KHDRBS2: variants seen among roughly 807,000 people sequenced by gnomAD.
KHDRBS2 encodes KH domain-containing, RNA-binding, signal transduction-associated protein 2.
KHDRBS2 carries 26 observed loss-of-function variants against 44.3 expected under a neutral mutation model. The observed-to-expected ratio is 0.59, with a 90% CI of 0.43 to 0.81. The LOEUF (loss-of-function observed/expected upper bound fraction) is 0.81, where lower values mean the gene tolerates loss of function less well. Ranked by LOEUF, KHDRBS2 falls within the 40% of genes least tolerant of loss-of-function variation. The pLI is 0.00. For synonymous variants in KHDRBS2, 194 were observed against 151.1 expected (o/e 1.28, Z -2.08); for missense variants, 476 against 433.1 (o/e 1.10, Z -0.88).
chr6:62,020,333 T>C (rs1215600522), intron 3 of KHDRBS2, among the ~76,000 whole-genome samples: 2 of 152,046 alleles, frequency 1.3e-5, no homozygotes, highest in Non-Finnish European at 2.9e-5. Context: ...TCCATCCTTA[T>C]TAATTTATTG....
At chr6:62,165,280 GGC>G (rs1818441356) in intron 2 of KHDRBS2, among the ~76,000 whole-genome samples, 1 of 143,130 alleles carries the variant, frequency 7.0e-6, no homozygotes, top group Non-Finnish European at 1.5e-5. Flanking sequence ...TTTATTCATT[GGC>G]GCTTAATTTT....
chr6:62,050,702 A>C (rs1167096961), intron 2 of KHDRBS2, among the ~76,000 whole-genome samples: 1 of 152,026 alleles, frequency 6.6e-6, no homozygotes, highest in East Asian at 1.9e-4. Flanking sequence ...TGGCAGTTTA[A>C]AATGATACAG....
At chr6:61,583,702 T>C in the KHDRBS2 span, among the ~76,000 whole-genome samples, 3 of 151,580 alleles carry the variant, frequency 2.0e-5, no homozygotes, top group Non-Finnish European at 4.4e-5. Context: ...AGTTCCTTTG[T>C]TTTTTTAAAA....
chr6:62,201,787 A>G (rs566125496), intron 1 of KHDRBS2, among the ~76,000 whole-genome samples: 1 of 152,186 alleles, frequency 6.6e-6, no homozygotes, highest in South Asian at 2.1e-4. Context: ...GATAATATTC[A>G]TTTTTATTTA....
intron 2 of KHDRBS2, among the ~76,000 whole-genome samples, chr6:62,120,356 G>A (rs141449754): frequency 4.6e-5 from 7 of 152,260 alleles, no homozygotes; most frequent in African/African-American, 1.2e-4. Flanking sequence ...CCAATACTTC[G>A]TGAAATAGAT....
At chr6:61,903,041 G>A (rs1399852964) in intron 4 of KHDRBS2, among the ~76,000 whole-genome samples, 6 of 152,126 alleles carry the variant, frequency 3.9e-5, no homozygotes, top group African/African-American at 1.4e-4. Context: ...TGACAAAAGA[G>A]ACATAGAGTA....
Position 61,680,895 on chromosome 6 carries a change from T to C in KHDRBS2, c.*68A>G. 3.2e-6 allele frequency: 3 copies of C among 944,584 alleles called. No individual in the cohort carries two copies. The South Asian group carries it at 4.2e-5, about 13-fold the overall frequency. 58.5% of individuals were successfully genotyped at this position (944,584 alleles called of 1,614,324 possible). On this transcript the variant is annotated 3_prime_UTR_variant, in exon 9 of 9. Transcript: ENST00000281156. The stretch of plus-strand genomic sequence containing the variant: ...AAAAAAAGGACTATTACTTGTCTTG[T>C]TGCTGTTTATGTGGAGACCACAGGC...
chr6:62,254,232 C>A (rs1837009429), intron 1 of KHDRBS2, among the ~76,000 whole-genome samples: 1 of 152,008 alleles, frequency 6.6e-6, no homozygotes, highest in Non-Finnish European at 1.5e-5. Context: ...CAGAGTCCTG[C>A]CACTTTACTA....
At chr6:61,573,814 T>G in the KHDRBS2 span, among the ~76,000 whole-genome samples, 1 of 144,316 alleles carries the variant, frequency 6.9e-6, no homozygotes, top group Middle Eastern at 3.6e-3. Flanking sequence ...AAAGTAAAAG[T>G]AAAAGAGCCT....
chr6:62,198,882 A>T (rs565381008), intron 1 of KHDRBS2, among the ~76,000 whole-genome samples: 1 of 152,182 alleles, frequency 6.6e-6, no homozygotes, highest in South Asian at 2.1e-4. Context: ...CAAAAAGCTT[A>T]TCCACCATGA....
chr6:61,835,276 A>G (rs1353519545), intron 6 of KHDRBS2, among the ~76,000 whole-genome samples: 1 of 152,090 alleles, frequency 6.6e-6, no homozygotes, highest in Non-Finnish European at 1.5e-5. Flanking sequence ...TCTCATGCCT[A>G]CGTGGCAATT....
chr6:61,852,806 AGT>A (rs1223912995), intron 6 of KHDRBS2, among the ~76,000 whole-genome samples: 1 of 152,040 alleles, frequency 6.6e-6, no homozygotes, highest in African/African-American at 2.4e-5. Flanking sequence ...TTAAAAATTG[AGT>A]GTGTGTGTGT....
intron 6 of KHDRBS2, among the ~76,000 whole-genome samples, chr6:61,753,873 C>A (rs912016042): frequency 1.3e-5 from 2 of 152,040 alleles, no homozygotes; most frequent in African/African-American, 4.8e-5. Context: ...TCCAGGTAGG[C>A]TTTAACTACC....
rs559068928 is a variant in KHDRBS2, at chr6:61,863,233, C to G, written c.810+31402G>C. On this transcript the variant is annotated intron_variant, in intron 6 of 8. Coordinates refer to ENST00000281156, the MANE Select transcript of KHDRBS2 (RefSeq NM_152688.4). ...TCCTTATTTTTTCAAAAAACCAACTCCCACATTTGTTGAGCTTTTGAAGGG... is the reference window on the plus strand; with the variant it reads ...TCCTTATTTTTTCAAAAAACCAACTGCCACATTTGTTGAGCTTTTGAAGGG... Among the ~76,000 whole-genome samples the G allele has an allele frequency of 1.1e-4, 16 of 150,682 alleles. No homozygotes were observed. The East Asian group carries it at 1.6e-3, about 15-fold the overall frequency.
chr6:61,979,573 C>T (rs554250939), intron 3 of KHDRBS2, among the ~76,000 whole-genome samples: 54 of 152,196 alleles, frequency 3.5e-4, no homozygotes, highest in East Asian at 1.9e-4. Context: ...TCCCTGCGTT[C>T]CTGTATATAT....
rs1427979171 is a variant in KHDRBS2, at chr6:62,130,971, A to C, written c.219+46214T>G. Among the ~76,000 whole-genome samples the C allele has an allele frequency of 2.0e-5, 3 of 152,100 alleles. No homozygotes were observed. In the East Asian group the frequency reaches 5.8e-4, roughly 29 times the overall value. The stretch of plus-strand genomic sequence containing the variant: ...TAAGTCAAACCATTGCAAGTTAAGG[A>C]AGACCTGTACTAGTATGATTACATA... On this transcript the variant is annotated intron_variant, in intron 2 of 8. Transcript: ENST00000281156.
the KHDRBS2 span, among the ~76,000 whole-genome samples, chr6:61,587,718 T>C: frequency 3.9e-5 from 6 of 152,174 alleles, no homozygotes; most frequent in East Asian, 1.2e-3. Context: ...ATGGATTGGT[T>C]AACTTTCAGA....
At chr6:61,567,744 G>A in the KHDRBS2 span, among the ~76,000 whole-genome samples, 89,606 of 151,360 alleles carry the variant, frequency 0.59, 26,683 homozygotes, top group African/African-American at 0.61. Context: ...GCTCTTCCCT[G>A]ACACAATACT....
chr6:61,587,167 A>AGCT, the KHDRBS2 span, among the ~76,000 whole-genome samples: 2 of 152,184 alleles, frequency 1.3e-5, no homozygotes, highest in African/African-American at 2.4e-5. Context: ...AAGCAGCCAC[A>AGCT]GCTGGCTTTT....
Sources: gnomAD v4.1 joint callset for allele counts (sites outside exome capture counted in the v4.1 genomes callset) on GRCh38, gnomAD v4.1.1 for gene constraint, MANE v1.5 for transcripts, NCBI Gene and HGNC (gene_info 2026-07-23, HGNC 2026-07-21) for gene names.